Variants in PPFIA2 observed in about 807,000 individuals in gnomAD.
PPFIA2 encodes liprin-alpha-2.
A neutral mutation model predicts 175.5 loss-of-function variants in PPFIA2; 46 were observed. The observed-to-expected ratio is 0.26, with a 90% CI of 0.21 to 0.34. The LOEUF (loss-of-function observed/expected upper bound fraction) is 0.34, where lower values mean the gene tolerates loss of function less well. Among genes scored for constraint, PPFIA2 ranks in the 10% least tolerant of loss-of-function variants. The pLI, the probability that PPFIA2 is intolerant of heterozygous loss-of-function variation, is 1.00. For missense variants in PPFIA2, 1,179 were observed against 1,506.1 expected, an observed-to-expected ratio of 0.78 and a Z score of 3.60; for synonymous variants, 568 against 511.4, an observed-to-expected ratio of 1.11 and a Z score of -1.49.
chr12:81,334,898 A>C (rs1330227843), intron 21 of PPFIA2, among the ~76,000 whole-genome samples: 2 of 152,210 alleles, frequency 1.3e-5, no homozygotes, highest in African/African-American at 2.4e-5. Context: ...CTCCCATTTC[A>C]GATACATTGC....
chr12:81,664,300 G>A (rs1438056412), intron 4 of PPFIA2, among the ~76,000 whole-genome samples: 1 of 151,740 alleles, frequency 6.6e-6, no homozygotes, highest in Non-Finnish European at 1.5e-5. Context: ...TCTGACAAAG[G>A]GCTAATATCC....
At chr12:81,683,933 G>C (rs1018077267) in intron 3 of PPFIA2, among the ~76,000 whole-genome samples, 1 of 152,014 alleles carries the variant, frequency 6.6e-6, no homozygotes, top group Non-Finnish European at 1.5e-5. Flanking sequence ...GAGGTGCCAG[G>C]CTCTTTGTAA....
At chr12:81,730,831 C>G (rs2471482) in intron 3 of PPFIA2, among the ~76,000 whole-genome samples, 1 of 151,114 alleles carries the variant, frequency 6.6e-6, no homozygotes, top group South Asian at 2.1e-4. Context: ...AATCTAACTA[C>G]AGGGTAATAG....
chr12:81,719,268 T>G (rs1323128157), intron 3 of PPFIA2, among the ~76,000 whole-genome samples: 1 of 151,578 alleles, frequency 6.6e-6, no homozygotes, highest in Non-Finnish European at 1.5e-5. Context: ...ATACCCAATG[T>G]TTCTAATAAT....
chr12:81,622,605 G>T (rs1158306466), intron 4 of PPFIA2, among the ~76,000 whole-genome samples: 5 of 152,064 alleles, frequency 3.3e-5, no homozygotes, highest in African/African-American at 4.8e-5. Flanking sequence ...TATCCCTAGA[G>T]CCTGGGTAAA....
intron 20 of PPFIA2, 26 bp from the exon 21 acceptor site, chr12:81,339,360 CA>C (rs2057664249): frequency 6.5e-7 from 1 of 1,535,358 alleles, no homozygotes; most frequent in Non-Finnish European, 8.7e-7. Flanking sequence ...GAGGAAAATA[CA>C]TGCAACATCC....
At chr12:81,732,834 T>C (rs2081097306) in intron 3 of PPFIA2, among the ~76,000 whole-genome samples, 1 of 151,516 alleles carries the variant, frequency 6.6e-6, no homozygotes, top group South Asian at 2.1e-4. Flanking sequence ...TAAGTAATTA[T>C]AGATGCAGAA....
At position 81,747,353 on chromosome 12, in the gene PPFIA2, T is replaced by C. The variant is rs1358619650; in HGVS notation, c.249+6620A>G. Reference sequence around the variant, plus strand: ...ATCAAGGGACATGTGTGACTGGCCATGGTGGAAGTGGAAAATTTAGGAAAA... The same window carrying C: ...ATCAAGGGACATGTGTGACTGGCCACGGTGGAAGTGGAAAATTTAGGAAAA... On this transcript the variant is annotated intron_variant, in intron 3 of 32. Coordinates refer to ENST00000549396, the MANE Select transcript of PPFIA2 (RefSeq NM_003625.5). Among the ~76,000 whole-genome samples the C allele has an allele frequency of 1.4e-5, 2 of 144,056 alleles. 1 individual carries two copies. Among genetic ancestry groups the C allele is most frequent in the Non-Finnish European group, 3.1e-5 (2 of 64,246 alleles). The allele number at this position is 144,056 out of a possible 152,430, so 94.5% of individuals were successfully genotyped here.
chr12:81,534,274 A>T (rs1368921547), intron 4 of PPFIA2, among the ~76,000 whole-genome samples: 1 of 151,696 alleles, frequency 6.6e-6, no homozygotes, highest in Non-Finnish European at 1.5e-5. Context: ...TGGGGTGACT[A>T]TTACTATAGT....
intron 22 of PPFIA2, among the ~76,000 whole-genome samples, chr12:81,303,765 T>A (rs1269371803): frequency 6.6e-6 from 1 of 152,072 alleles, no homozygotes; most frequent in African/African-American, 2.4e-5. Flanking sequence ...GGGTGTGCAG[T>A]CAAGAAATGA....
chr12:81,648,892 T>A (rs910827767), intron 4 of PPFIA2, among the ~76,000 whole-genome samples: 1 of 147,666 alleles, frequency 6.8e-6, no homozygotes, highest in Non-Finnish European at 1.5e-5. Context: ...GAAATCATAG[T>A]TTTTTTTTAA....
At chr12:81,666,600 G>A (rs976863257) in intron 4 of PPFIA2, among the ~76,000 whole-genome samples, 2 of 152,030 alleles carry the variant, frequency 1.3e-5, no homozygotes, top group Non-Finnish European at 2.9e-5. Context: ...ATCACACACC[G>A]GGGCCTGTTG....
intron 22 of PPFIA2, among the ~76,000 whole-genome samples, chr12:81,315,045 G>A (rs1402983040): frequency 6.6e-6 from 1 of 151,732 alleles, no homozygotes; most frequent in Admixed American, 6.6e-5. Context: ...GATGGGGCAA[G>A]TGTTAGTGTA....
intron 4 of PPFIA2, among the ~76,000 whole-genome samples, chr12:81,520,282 G>A (rs575416748): frequency 2.6e-5 from 4 of 152,168 alleles, no homozygotes; most frequent in African/African-American, 9.7e-5. Context: ...TGCTGGATAT[G>A]GGGAGGATTC....
At chr12:81,542,134 G>A (rs946387805) in intron 4 of PPFIA2, among the ~76,000 whole-genome samples, 1 of 152,092 alleles carries the variant, frequency 6.6e-6, no homozygotes, top group Admixed American at 6.6e-5. Flanking sequence ...TTATTCTGGT[G>A]TACTTGGGTG....
At chr12:81,453,994 G>A (rs1254109370) in intron 5 of PPFIA2, among the ~76,000 whole-genome samples, 3 of 152,098 alleles carry the variant, frequency 2.0e-5, no homozygotes, top group Non-Finnish European at 4.4e-5. Context: ...AAGACGGGCC[G>A]ACTGCTTGAG....
At chr12:81,494,332 C>T (rs1221863550) in intron 4 of PPFIA2, among the ~76,000 whole-genome samples, 4 of 152,214 alleles carry the variant, frequency 2.6e-5, no homozygotes, top group African/African-American at 4.8e-5. Context: ...AGTCAAAAAA[C>T]ACATGAAAAA....
At chr12:81,279,618 T>G (rs2041561439) in intron 27 of PPFIA2, among the ~76,000 whole-genome samples, 1 of 152,188 alleles carries the variant, frequency 6.6e-6, no homozygotes, top group South Asian at 2.1e-4. Context: ...TAGCATAACT[T>G]AAAAATGAAG....
At chr12:81,371,453 G>A (rs1446945740) in intron 11 of PPFIA2, among the ~76,000 whole-genome samples, 2 of 151,630 alleles carry the variant, frequency 1.3e-5, no homozygotes, top group African/African-American at 4.8e-5. Flanking sequence ...CAAGACACTT[G>A]AGACATGAAT....
Sources: gnomAD v4.1 joint callset for allele counts (sites outside exome capture counted in the v4.1 genomes callset) on GRCh38, gnomAD v4.1.1 for gene constraint, MANE v1.5 for transcripts, NCBI Gene and HGNC (gene_info 2026-07-23, HGNC 2026-07-21) for gene names.